Variants in LRMDA observed in about 807,000 individuals in gnomAD.
LRMDA encodes leucine-rich melanocyte differentiation-associated protein.
A neutral mutation model predicts 29.8 loss-of-function variants in LRMDA; 18 were observed. The ratio of observed to expected loss-of-function variants is 0.60; its 90% CI spans 0.42 to 0.90. LRMDA has a LOEUF of 0.90. Ranked by LOEUF, LRMDA falls within the 40% of genes least tolerant of loss-of-function variation. LRMDA has a pLI of 0.00. For synonymous variants in LRMDA, 125 were observed against 109.4 expected (o/e 1.14, Z -0.89); for missense variants, 273 against 273.9 (o/e 1.00, Z 0.02).
chr10:76,309,315 C>A (rs867032685), intron 5 of LRMDA, among the ~76,000 whole-genome samples: 4 of 151,988 alleles, frequency 2.6e-5, no homozygotes, highest in Admixed American at 6.5e-5. Flanking sequence ...AGCCAGTGTC[C>A]AGTGGGTCAG....
chr10:76,316,062 G>A (rs914503659), intron 5 of LRMDA, among the ~76,000 whole-genome samples: 1 of 152,120 alleles, frequency 6.6e-6, no homozygotes, highest in South Asian at 2.1e-4. Context: ...CTCAAGATCC[G>A]CCAATGGCCA....
At chr10:76,215,793 A>C (rs946972974) in intron 5 of LRMDA, among the ~76,000 whole-genome samples, 1 of 152,198 alleles carries the variant, frequency 6.6e-6, no homozygotes, top group African/African-American at 2.4e-5. Flanking sequence ...AGATTGATAA[A>C]ATGTGGTGGA....
chr10:75,949,354 A>G (rs549843423), intron 2 of LRMDA, among the ~76,000 whole-genome samples: 24 of 152,372 alleles, frequency 1.6e-4, no homozygotes, highest in South Asian at 4.1e-4. Context: ...TGATTGGTTC[A>G]ACAATGCCTT....
At chr10:75,630,275 G>GTA (rs1194956871) in intron 2 of LRMDA, among the ~76,000 whole-genome samples, 1 of 152,188 alleles carries the variant, frequency 6.6e-6, no homozygotes, top group Non-Finnish European at 1.5e-5. Context: ...ATTTGTGTGG[G>GTA]TATGGTGTGA....
chr10:76,045,491 CTT>C (rs1424670227), intron 3 of LRMDA, among the ~76,000 whole-genome samples: 2 of 151,924 alleles, frequency 1.3e-5, no homozygotes, highest in Non-Finnish European at 2.9e-5. Context: ...GTTTCCCTCT[CTT>C]GCTAGTTTCA....
chr10:75,703,507 G>A (rs1299001544), intron 2 of LRMDA, among the ~76,000 whole-genome samples: 1 of 152,192 alleles, frequency 6.6e-6, no homozygotes, highest in Non-Finnish European at 1.5e-5. Flanking sequence ...GAAGTACCCA[G>A]TAGTTATGAA....
intron 5 of LRMDA, among the ~76,000 whole-genome samples, chr10:76,303,472 C>T (rs1046368182): frequency 5.9e-5 from 9 of 152,120 alleles, no homozygotes; most frequent in African/African-American, 9.7e-5. Flanking sequence ...GCCCGTCCAG[C>T]GCTCACTTGC....
chr10:75,684,186 A>G (rs1340316278), intron 2 of LRMDA, among the ~76,000 whole-genome samples: 1 of 152,194 alleles, frequency 6.6e-6, no homozygotes, highest in African/African-American at 2.4e-5. Context: ...CAAAAAATCT[A>G]CCAGCCAGTG....
intron 6 of LRMDA, among the ~76,000 whole-genome samples, chr10:76,368,368 T>C (rs889721043): frequency 9.2e-5 from 14 of 152,336 alleles, no homozygotes; most frequent in African/African-American, 3.1e-4. Context: ...CCAATGTTCA[T>C]TCAGGAGCAG....
intron 2 of LRMDA, among the ~76,000 whole-genome samples, chr10:75,706,018 T>A (rs1430998743): frequency 2.0e-5 from 3 of 152,198 alleles, no homozygotes; most frequent in African/African-American, 7.2e-5. Context: ...CTATTCCTTT[T>A]TCTGGAGGCA....
intron 2 of LRMDA, among the ~76,000 whole-genome samples, chr10:75,935,212 C>A (rs1191237267): frequency 6.6e-6 from 1 of 152,154 alleles, no homozygotes; most frequent in Non-Finnish European, 1.5e-5. Flanking sequence ...AAGAGAAGGG[C>A]AAGGGTGAAA....
chr10:76,196,145 G>T (rs1368358929), intron 5 of LRMDA, among the ~76,000 whole-genome samples: 1 of 152,190 alleles, frequency 6.6e-6, no homozygotes. Flanking sequence ...TTAAGTAACT[G>T]CACAGCTCTG....
At chr10:76,533,669 T>G (rs1365487923) in intron 6 of LRMDA, among the ~76,000 whole-genome samples, 1 of 152,178 alleles carries the variant, frequency 6.6e-6, no homozygotes, top group East Asian at 1.9e-4. Context: ...TATTATACTT[T>G]GATACTAAAA....
intron 2 of LRMDA, among the ~76,000 whole-genome samples, chr10:76,013,483 C>G (rs1402219906): frequency 6.6e-6 from 1 of 152,128 alleles, no homozygotes; most frequent in Non-Finnish European, 1.5e-5. Flanking sequence ...CACCAACCCA[C>G]ACACAGAAGA....
At chr10:75,475,727 C>A (rs1189099639) in intron 2 of LRMDA, among the ~76,000 whole-genome samples, 1 of 152,160 alleles carries the variant, frequency 6.6e-6, no homozygotes, top group African/African-American at 2.4e-5. Context: ...AGAAATGGAA[C>A]TTTCTCTGAC....
Position 75,853,541 on chromosome 10 carries a change from TGTGA to T in LRMDA, c.132-182463_132-182460del. ...CAAGTGAGTGGTGCAAATTCTCATG[TGTGA>T]GTGTGTTCTGGTGTTGGGGTTAGTT... On this transcript the variant is annotated intron_variant, in intron 2 of 6. Transcript: ENST00000611255. Among the ~76,000 whole-genome samples, 3 of 152,238 alleles carry T rather than the reference TGTGA, an allele frequency of 2.0e-5. No individual in the cohort carries two copies. The South Asian group carries it at 6.2e-4, about 32-fold the overall frequency.
intron 2 of LRMDA, among the ~76,000 whole-genome samples, chr10:75,461,905 G>A (rs1442594193): frequency 6.6e-6 from 1 of 152,254 alleles, no homozygotes; most frequent in African/African-American, 2.4e-5. Flanking sequence ...GGCTAGTGAA[G>A]GAGGCAGAGC....
intron 6 of LRMDA, among the ~76,000 whole-genome samples, chr10:76,520,940 A>G (rs2132361175): frequency 6.6e-6 from 1 of 152,264 alleles, no homozygotes; most frequent in Middle Eastern, 3.4e-3. Flanking sequence ...AAGAAAATAA[A>G]CTCATAGAAC....
At chr10:75,847,102 A>G (rs1844651993) in intron 2 of LRMDA, among the ~76,000 whole-genome samples, 1 of 152,160 alleles carries the variant, frequency 6.6e-6, no homozygotes, top group African/African-American at 2.4e-5. Context: ...CTAGTTTCGA[A>G]ATGTATTACA....
Sources: allele counts gnomAD v4.1 joint callset (sites outside exome capture counted in the v4.1 genomes callset), GRCh38; gene constraint gnomAD v4.1.1; transcripts MANE v1.5; gene names NCBI Gene and HGNC (gene_info 2026-07-23, HGNC 2026-07-21).